PCLO: variants seen among roughly 807,000 people sequenced by gnomAD.
PCLO encodes the protein piccolo presynaptic cytomatrix protein.
A neutral mutation model predicts 427.5 loss-of-function variants in PCLO; 82 were observed. The observed-to-expected ratio is 0.19, with a 90% CI of 0.16 to 0.23. The LOEUF (loss-of-function observed/expected upper bound fraction) is 0.23, where lower values mean the gene tolerates loss of function less well. Among genes scored for constraint, PCLO ranks in the 10% least tolerant of loss-of-function variants. PCLO has a pLI of 1.00. For missense variants in PCLO, 6,239 were observed against 6,115.9 expected (o/e 1.02, Z -0.67); for synonymous variants, 2,357 against 2,155.4 (o/e 1.09, Z -2.59).
chr7:82,755,614 T>G lies in PCLO; in HGVS notation c.*2961A>C, dbSNP rs1005036019. 2.0e-5 allele frequency: 3 copies of G among 152,018 alleles called. No homozygotes were observed. Among genetic ancestry groups the G allele is most frequent in the Admixed American group, 1.3e-4 (2 of 15,250 alleles). 9.4% of individuals were successfully genotyped at this position (152,018 alleles called of 1,614,324 possible). Reference sequence around the variant, plus strand: ...GGTAAAAGTGCTGTAATTGGAGTAATTACGTATTATATAGAGATTACAAAC... The same window carrying G: ...GGTAAAAGTGCTGTAATTGGAGTAAGTACGTATTATATAGAGATTACAAAC... On this transcript the variant is annotated 3_prime_UTR_variant, in exon 25 of 25. Transcript: ENST00000333891.
At chr7:82,846,263 T>C (rs1792499204) in intron 12 of PCLO, among the ~76,000 whole-genome samples, 2 of 152,154 alleles carry the variant, frequency 1.3e-5, no homozygotes, top group African/African-American at 4.8e-5. Flanking sequence ...AAGCATTACT[T>C]TCACAGGATG....
At chr7:83,096,849 A>T (rs867127473) in intron 3 of PCLO, among the ~76,000 whole-genome samples, 2,341 of 49,190 alleles carry the variant, frequency 0.048, 94 homozygotes, top group East Asian at 0.1. Context: ...TATAATATAA[A>T]TATATATAAA....
intron 3 of PCLO, among the ~76,000 whole-genome samples, chr7:83,077,055 T>C (rs953206422): frequency 2.0e-5 from 3 of 152,064 alleles, no homozygotes; most frequent in Non-Finnish European, 2.9e-5. Context: ...AGCATCTGTA[T>C]GTAAAACTGC....
At chr7:82,890,942 T>G (rs1018378182) in intron 9 of PCLO, among the ~76,000 whole-genome samples, 4 of 152,088 alleles carry the variant, frequency 2.6e-5, no homozygotes, top group African/African-American at 9.6e-5. Flanking sequence ...CCCCTAAATA[T>G]TTATGATTAT....
intron 3 of PCLO, among the ~76,000 whole-genome samples, chr7:83,125,242 G>T (rs1791405252): frequency 6.6e-6 from 1 of 151,962 alleles, no homozygotes; most frequent in Non-Finnish European, 1.5e-5. Context: ...GAGTGCCTCT[G>T]CCCGGCCGCC....
chr7:83,080,954 T>C (rs1458538497), intron 3 of PCLO, among the ~76,000 whole-genome samples: 3 of 151,738 alleles, frequency 2.0e-5, no homozygotes, highest in Non-Finnish European at 4.4e-5. Flanking sequence ...TATAATAATA[T>C]ACTGTAATAA....
At chr7:82,982,286 C>T (rs1380447418) in intron 3 of PCLO, among the ~76,000 whole-genome samples, 2 of 152,088 alleles carry the variant, frequency 1.3e-5, no homozygotes, top group Non-Finnish European at 2.9e-5. Flanking sequence ...GCTCTGCAAA[C>T]TCAATGAAGA....
chr7:82,959,972 CTT>C (rs1343362179), intron 4 of PCLO, among the ~76,000 whole-genome samples: 1 of 152,100 alleles, frequency 6.6e-6, no homozygotes. Flanking sequence ...GGTGGTGTAT[CTT>C]GAGGCCTTCA....
At chr7:82,947,299 C>T (rs867623913) in intron 6 of PCLO, among the ~76,000 whole-genome samples, 1 of 152,020 alleles carries the variant, frequency 6.6e-6, no homozygotes, top group African/African-American at 2.4e-5. Context: ...TCAGTGCCTA[C>T]TGAGTGGTGT....
At chr7:82,863,188 T>C (rs1272195879) in intron 10 of PCLO, among the ~76,000 whole-genome samples, 1 of 151,992 alleles carries the variant, frequency 6.6e-6, no homozygotes, top group Non-Finnish European at 1.5e-5. Context: ...TTGCTTATAT[T>C]GGAGTCAATT....
intron 20 of PCLO, among the ~76,000 whole-genome samples, chr7:82,816,628 T>G (rs1239834267): frequency 6.6e-6 from 1 of 152,184 alleles, no homozygotes; most frequent in Non-Finnish European, 1.5e-5. Context: ...CTTTCTCTTC[T>G]TCTTAGATCA....
chr7:82,943,386 A>AT (rs946145614), intron 6 of PCLO, among the ~76,000 whole-genome samples: 6 of 151,600 alleles, frequency 4.0e-5, no homozygotes, highest in East Asian at 1.9e-4. Context: ...ATTGTAGCTA[A>AT]TTTTTTTTTA....
intron 3 of PCLO, among the ~76,000 whole-genome samples, chr7:83,064,529 T>C (rs758270564): frequency 6.6e-6 from 1 of 151,912 alleles, no homozygotes; most frequent in Non-Finnish European, 1.5e-5. Flanking sequence ...TTAAAGAAAA[T>C]GGTGTTCATA....
intron 6 of PCLO, among the ~76,000 whole-genome samples, chr7:82,921,004 A>C (rs1270389923): frequency 1.3e-5 from 2 of 151,850 alleles, no homozygotes; most frequent in Non-Finnish European, 2.9e-5. Context: ...GTTAAGTATA[A>C]TTCTAAAATG....
intron 9 of PCLO, among the ~76,000 whole-genome samples, chr7:82,888,611 T>A (rs28693696): frequency 2.4e-4 from 36 of 151,900 alleles, no homozygotes; most frequent in South Asian, 8.4e-4. Flanking sequence ...CAAATCTTTT[T>A]AAAAAAAAGA....
chr7:82,989,983 C>T (rs1015154050), intron 3 of PCLO, among the ~76,000 whole-genome samples: 1 of 152,068 alleles, frequency 6.6e-6, no homozygotes, highest in Non-Finnish European at 1.5e-5. Flanking sequence ...AGAATTTCCT[C>T]TTTAGTAGAA....
intron 7 of PCLO, among the ~76,000 whole-genome samples, chr7:82,909,511 T>C (rs566642167): frequency 4.9e-4 from 75 of 152,036 alleles, no homozygotes; most frequent in Admixed American, 1.1e-3. Flanking sequence ...ATTCTGCACA[T>C]GTATCCCAGA....
intron 20 of PCLO, chr7:82,820,935 C>T (rs1312281913): frequency 1.8e-5 from 22 of 1,229,038 alleles, no homozygotes; most frequent in South Asian, 1.3e-4. Context: ...CAATATATTA[C>T]GGGACTGATC....
chr7:82,884,164 T>C (rs7809797), intron 9 of PCLO, among the ~76,000 whole-genome samples: 14,338 of 152,188 alleles, frequency 0.094, 2,256 homozygotes, highest in African/African-American at 0.32. Flanking sequence ...CACACCTCTT[T>C]TCTAATGTAA....
Sources: gnomAD v4.1 joint callset for allele counts (sites outside exome capture counted in the v4.1 genomes callset) on GRCh38, gnomAD v4.1.1 for gene constraint, MANE v1.5 for transcripts, NCBI Gene and HGNC (gene_info 2026-07-23, HGNC 2026-07-21) for gene names.